ETV6: variants seen among roughly 807,000 people sequenced by gnomAD.
ETV6 encodes the protein ETS variant transcription factor 6.
ETV6 carries 16 observed loss-of-function variants against 51.1 expected under a neutral mutation model. The ratio of observed to expected loss-of-function variants is 0.31; its 90% CI spans 0.21 to 0.48. ETV6 has a LOEUF of 0.48. Ranked by LOEUF, ETV6 falls within the 20% of genes least tolerant of loss-of-function variation. ETV6 has a pLI of 0.99. For missense variants in ETV6, 458 were observed against 594.8 expected (o/e 0.77, Z 2.39); for synonymous variants, 240 against 224.1 (o/e 1.07, Z -0.64).
intron 4 of ETV6, among the ~76,000 whole-genome samples, chr12:11,858,197 A>G (rs145210170): frequency 7.2e-4 from 110 of 152,346 alleles, no homozygotes; most frequent in African/African-American, 2.6e-3. Flanking sequence ...ATTAGAATGC[A>G]GGTAGGTAGT....
At chr12:11,689,292 G>A (rs1864698773) in intron 1 of ETV6, among the ~76,000 whole-genome samples, 1 of 152,166 alleles carries the variant, frequency 6.6e-6, no homozygotes, top group Non-Finnish European at 1.5e-5. Context: ...AGTAGAGGAA[G>A]GAGTCTGTTT....
At chr12:11,670,796 T>A (rs1565480353) in intron 1 of ETV6, among the ~76,000 whole-genome samples, 1 of 152,264 alleles carries the variant, frequency 6.6e-6, no homozygotes, top group Non-Finnish European at 1.5e-5. Context: ...GATGGGTAGA[T>A]GAAATATTAT....
chr12:11,791,961 T>C (rs1945602563), intron 2 of ETV6, among the ~76,000 whole-genome samples: 2 of 152,136 alleles, frequency 1.3e-5, no homozygotes, highest in South Asian at 2.1e-4. Context: ...AAGTGAGACA[T>C]TTTGAGAACC....
At chr12:11,791,272 G>A (rs1466724641) in intron 2 of ETV6, among the ~76,000 whole-genome samples, 1 of 151,940 alleles carries the variant, frequency 6.6e-6, no homozygotes, top group Non-Finnish European at 1.5e-5. Flanking sequence ...GTAGATTTGT[G>A]CCTTCTTAAA....
intron 1 of ETV6, among the ~76,000 whole-genome samples, chr12:11,676,740 A>C (rs1200426080): frequency 6.6e-6 from 1 of 152,194 alleles, no homozygotes; most frequent in Admixed American, 6.5e-5. Flanking sequence ...CCACGAGATC[A>C]GAGCCCATCT....
At chr12:11,808,823 G>A (rs1266713339) in intron 2 of ETV6, among the ~76,000 whole-genome samples, 1 of 152,102 alleles carries the variant, frequency 6.6e-6, no homozygotes, top group African/African-American at 2.4e-5. Flanking sequence ...AGGATGAATA[G>A]AAAAATGGGA....
intron 2 of ETV6, among the ~76,000 whole-genome samples, chr12:11,789,114 C>T (rs569185304): frequency 1.4e-4 from 22 of 152,104 alleles, no homozygotes; most frequent in Admixed American, 1.4e-3. Flanking sequence ...CTCACTGCAA[C>T]CTCTGCCTCT....
intron 2 of ETV6, among the ~76,000 whole-genome samples, chr12:11,784,109 C>G (rs940990875): frequency 1.3e-5 from 2 of 152,144 alleles, no homozygotes; most frequent in African/African-American, 4.8e-5. Flanking sequence ...AACTGAGCAC[C>G]TGCTATGTGC....
intron 2 of ETV6, among the ~76,000 whole-genome samples, chr12:11,827,989 A>G (rs1336028461): frequency 6.6e-6 from 1 of 152,222 alleles, no homozygotes; most frequent in African/African-American, 2.4e-5. Context: ...TTCTTGCACC[A>G]ACTTTCCTCC....
At chr12:11,863,969 A>G (rs1946755423) in intron 4 of ETV6, among the ~76,000 whole-genome samples, 1 of 152,174 alleles carries the variant, frequency 6.6e-6, no homozygotes, top group Admixed American at 6.5e-5. Flanking sequence ...TCTACTGTTA[A>G]TGTTATCAGC....
At chr12:11,751,878 G>C (rs774098685) in intron 1 of ETV6, 1 of 507,332 alleles carries the variant, frequency 2.0e-6, no homozygotes, top group East Asian at 5.5e-5. Context: ...TTTTGGTTGT[G>C]GTGGTTGTAT....
intron 2 of ETV6, among the ~76,000 whole-genome samples, chr12:11,812,544 G>C (rs923063451): frequency 2.6e-5 from 4 of 152,142 alleles, no homozygotes; most frequent in African/African-American, 9.7e-5. Context: ...GGGTGGTTGA[G>C]TACCTTGTCC....
intron 1 of ETV6, among the ~76,000 whole-genome samples, chr12:11,659,606 C>T (rs368555870): frequency 2.0e-5 from 3 of 152,148 alleles, no homozygotes; most frequent in South Asian, 2.1e-4. Flanking sequence ...GCTTCACTTA[C>T]GTCCCCTATA....
chr12:11,804,302 C>T (rs893963102), intron 2 of ETV6, among the ~76,000 whole-genome samples: 1 of 152,176 alleles, frequency 6.6e-6, no homozygotes, highest in African/African-American at 2.4e-5. Context: ...ACTGTTACTT[C>T]CCTGTGCCAA....
chr12:11,792,984 G>T (rs1945624865), intron 2 of ETV6, among the ~76,000 whole-genome samples: 1 of 151,762 alleles, frequency 6.6e-6, no homozygotes, highest in Non-Finnish European at 1.5e-5. Context: ...AGGGGTGGGA[G>T]ATGAAAAACT....
At chr12:11,707,889 A>G (rs757032248) in intron 1 of ETV6, among the ~76,000 whole-genome samples, 1 of 152,230 alleles carries the variant, frequency 6.6e-6, no homozygotes, top group African/African-American at 2.4e-5. Context: ...GAACATGGTT[A>G]TGATAATTTT....
chr12:11,738,202 C>CTCCT (rs765496311), intron 1 of ETV6, among the ~76,000 whole-genome samples: 2,269 of 148,294 alleles, frequency 0.015, 32 homozygotes, highest in Middle Eastern at 0.028. Flanking sequence ...TGCTTGCTTT[C>CTCCT]TCCTTCCTTC....
At chr12:11,874,438 GTA>G (rs71057776) in intron 5 of ETV6, among the ~76,000 whole-genome samples, 1,713 of 4,444 alleles carry the variant, frequency 0.39, 564 homozygotes, top group East Asian at 0.93. Context: ...ACACATATAT[GTA>G]TATATATATG....
chr12:11,781,292 C>T (rs753013188), intron 2 of ETV6, among the ~76,000 whole-genome samples: 1 of 152,152 alleles, frequency 6.6e-6, no homozygotes, highest in African/African-American at 2.4e-5. Flanking sequence ...GACAGTCCTC[C>T]CCTGCTTGTG....
Sources: allele counts gnomAD v4.1 joint callset (sites outside exome capture counted in the v4.1 genomes callset), GRCh38; gene constraint gnomAD v4.1.1; transcripts MANE v1.5; gene names NCBI Gene and HGNC (gene_info 2026-07-23, HGNC 2026-07-21).